The following TGFBR3 variants were observed in gnomAD, a reference collection of about 807,000 sequenced individuals.
TGFBR3 encodes transforming growth factor beta receptor type 3.
Under a neutral mutation model 87.9 loss-of-function variants are expected in TGFBR3, and 46 were observed. The observed-to-expected ratio is 0.52, with a 90% CI of 0.41 to 0.67. TGFBR3 has a LOEUF of 0.67. Among genes scored for constraint, TGFBR3 ranks in the 30% least tolerant of loss-of-function variants. TGFBR3 has a pLI of 0.00. For synonymous variants in TGFBR3, 381 were observed against 391.6 expected (o/e 0.97, Z 0.32); for missense variants, 866 against 1,041.9 (o/e 0.83, Z 2.32).
intron 1 of TGFBR3, among the ~76,000 whole-genome samples, chr1:91,905,675 C>T (rs1237661581): frequency 6.6e-6 from 1 of 152,174 alleles, no homozygotes; most frequent in African/African-American, 2.4e-5. Context: ...GGATTACAGG[C>T]GCGAGCCACC....
chr1:91,691,493 G>C (rs1230243441), intron 16 of TGFBR3, among the ~76,000 whole-genome samples: 2 of 152,204 alleles, frequency 1.3e-5, no homozygotes, highest in African/African-American at 4.8e-5. Flanking sequence ...AGGAAAAAGT[G>C]TCTATAATCT....
intron 7 of TGFBR3, among the ~76,000 whole-genome samples, chr1:91,724,376 T>C (rs1312173893): frequency 6.6e-6 from 1 of 152,260 alleles, no homozygotes; most frequent in African/African-American, 2.4e-5. Context: ...GTCATTTTGA[T>C]TGGCTGGAAT....
intron 1 of TGFBR3, among the ~76,000 whole-genome samples, chr1:91,900,085 C>T (rs770115111): frequency 6.6e-6 from 1 of 152,102 alleles, no homozygotes; most frequent in Non-Finnish European, 1.5e-5. Context: ...AGATATCCCT[C>T]TCCATTCATA....
chr1:91,723,480 TAAAAAAAAAA>T lies in TGFBR3; in HGVS notation c.886-1346_886-1337del, dbSNP rs58578681. ...TGGGTGACAGAGGGAGACCCTGCCT[TAAAAAAAAAA>T]AAAAAAAAAAAAAAAAAAGACTAGC... On this transcript the variant is annotated intron_variant, in intron 7 of 16. Coordinates refer to ENST00000212355, the MANE Select transcript of TGFBR3 (RefSeq NM_003243.5). Among the ~76,000 whole-genome samples the T allele has an allele frequency of 1.4e-3, 156 of 109,140 alleles. 2 individuals carry two copies. The highest frequency in any genetic ancestry group is 5.8e-3 in the Middle Eastern group (1 of 172). The allele number at this position is 109,140 out of a possible 152,430, so 71.6% of individuals were successfully genotyped here.
chr1:91,886,431 C>T (rs1479648490), upstream of TGFBR3, among the ~76,000 whole-genome samples: 1 of 152,184 alleles, frequency 6.6e-6, no homozygotes, highest in Admixed American at 6.5e-5. Flanking sequence ...GCTAGGGGCG[C>T]GGCCGGGCTC....
At chr1:91,703,517 G>T (rs376274054) in intron 14 of TGFBR3, among the ~76,000 whole-genome samples, 1 of 152,032 alleles carries the variant, frequency 6.6e-6, no homozygotes, top group Admixed American at 6.5e-5. Flanking sequence ...TGTAAATCAC[G>T]GCAAATTTTG....
At position 91,727,816 on chromosome 1, in the gene TGFBR3, G is replaced by C; in HGVS notation, c.738-10C>G. 1 of 1,613,492 alleles carries C rather than the reference G, an allele frequency of 6.2e-7. No homozygotes were observed. The highest frequency in any genetic ancestry group is 8.5e-7 in the Non-Finnish European group (1 of 1,179,944). ...ATCCACCTGGAAAGCACTGTGAATG[G>C]AAGACAAAGGCAAAGTTAAGACCTA... On this transcript the variant is annotated splice_polypyrimidine_tract_variant and intron_variant, in intron 6 of 16. Transcript: ENST00000212355.
chr1:91,717,406 T>C (rs2100774432), intron 10 of TGFBR3, among the ~76,000 whole-genome samples: 1 of 152,318 alleles, frequency 6.6e-6, no homozygotes. Context: ...CAGGAATCTT[T>C]TTTTTCCACC....
chr1:91,736,053 T>C (rs1404711318), intron 4 of TGFBR3, among the ~76,000 whole-genome samples: 2 of 152,186 alleles, frequency 1.3e-5, no homozygotes, highest in Non-Finnish European at 1.5e-5. Flanking sequence ...CAAAATTATA[T>C]TTTCCCAGCT....
intron 2 of TGFBR3, among the ~76,000 whole-genome samples, chr1:91,817,767 G>A (rs778160041): frequency 6.6e-6 from 1 of 151,888 alleles, no homozygotes; most frequent in Non-Finnish European, 1.5e-5. Context: ...TGTGCTTTCT[G>A]GAATAAGGCC....
At chr1:91,821,358 G>C (rs1178184534) in intron 2 of TGFBR3, among the ~76,000 whole-genome samples, 1 of 147,452 alleles carries the variant, frequency 6.8e-6, no homozygotes, top group Middle Eastern at 3.3e-3. Context: ...AAAAAGTAAT[G>C]GCAAAAAACA....
chr1:91,694,524 T>C (rs1376348562), intron 16 of TGFBR3, among the ~76,000 whole-genome samples: 1 of 152,240 alleles, frequency 6.6e-6, no homozygotes, highest in African/African-American at 2.4e-5. Context: ...CTTTTAACTA[T>C]CAGAGGATCA....
intron 3 of TGFBR3, among the ~76,000 whole-genome samples, chr1:91,773,171 G>A (rs1157738035): frequency 1.3e-5 from 2 of 152,134 alleles, no homozygotes; most frequent in Non-Finnish European, 2.9e-5. Context: ...TTGAGGACAA[G>A]AGTTTGAGAC....
rs17878274 is a variant in TGFBR3, at chr1:91,708,605, G to T, written c.2287+58C>A. 8,185 of 1,612,100 alleles carry T rather than the reference G, an allele frequency of 5.1e-3. 312 individuals are homozygous for T. In the African/African-American group the frequency reaches 0.091, roughly 18 times the overall value. Reference sequence around the variant, plus strand: ...GCTGGACTTTGATTTACACTATTGGGTCTTCTTAACAAGCAGAGCTCAGGC... The same window carrying T: ...GCTGGACTTTGATTTACACTATTGGTTCTTCTTAACAAGCAGAGCTCAGGC... On this transcript the variant is annotated intron_variant, in intron 14 of 16. Transcript: ENST00000212355.
intron 3 of TGFBR3, among the ~76,000 whole-genome samples, chr1:91,796,023 G>A (rs10218554): frequency 0.013 from 2,012 of 152,210 alleles, 37 homozygotes; most frequent in African/African-American, 0.035. Flanking sequence ...AAGTGGCTCT[G>A]GAAATTAACT....
At chr1:91,823,643 G>C (rs1259668992) in intron 2 of TGFBR3, among the ~76,000 whole-genome samples, 1 of 152,216 alleles carries the variant, frequency 6.6e-6, no homozygotes, top group African/African-American at 2.4e-5. Context: ...TGAACTTCTA[G>C]AACAGGCAAA....
At chr1:91,855,755 G>A (rs1168388103) in intron 2 of TGFBR3, among the ~76,000 whole-genome samples, 1 of 152,118 alleles carries the variant, frequency 6.6e-6, no homozygotes, top group African/African-American at 2.4e-5. Context: ...TTAGACTTAA[G>A]CCCATAGTAT....
intron 16 of TGFBR3, among the ~76,000 whole-genome samples, chr1:91,691,199 A>G (rs188935552): frequency 2.0e-5 from 3 of 152,232 alleles, no homozygotes; most frequent in African/African-American, 4.8e-5. Context: ...AAATAAAATG[A>G]TTTCTAAAAT....
intron 4 of TGFBR3, among the ~76,000 whole-genome samples, chr1:91,756,974 A>T (rs944120531): frequency 6.6e-6 from 1 of 152,214 alleles, no homozygotes; most frequent in Admixed American, 6.5e-5. Context: ...ATCAAATTCA[A>T]GGAATATAAC....
Sources: gnomAD v4.1 joint callset for allele counts (sites outside exome capture counted in the v4.1 genomes callset) on GRCh38, gnomAD v4.1.1 for gene constraint, MANE v1.5 for transcripts, NCBI Gene and HGNC (gene_info 2026-07-23, HGNC 2026-07-21) for gene names.